GTSE1: variants seen among roughly 807,000 people sequenced by gnomAD.
GTSE1 encodes G2 and S-phase expressed 1.
In GTSE1, 52 loss-of-function variants were observed where a neutral mutation model predicts 60.5. The ratio of observed to expected loss-of-function variants is 0.86; its 90% CI spans 0.69 to 1.08. GTSE1 has a LOEUF of 1.08. Ranked by LOEUF, GTSE1 falls within the 50% of genes least tolerant of loss-of-function variation. The pLI is 0.00. For synonymous variants in GTSE1, 368 were observed against 386.5 expected, an observed-to-expected ratio of 0.95 and a Z score of 0.56; for missense variants, 937 against 961.8, an observed-to-expected ratio of 0.97 and a Z score of 0.34.
In GTSE1 at chr22:46,324,666, C is replaced by T. The variant is rs555546858; in HGVS notation, c.1505+1404C>T. On this transcript the variant is annotated intron_variant, in intron 8 of 11. Transcript: ENST00000454366. This position sits in a 1 kb window ranked among gnomAD's most constrained non-coding sequence, Gnocchi z 5.2. ...ACAGGTGTGAGCCACCGCGCCTGGC[C>T]GGAATTTTTATTTTCACTGGAATTT... Among the ~76,000 whole-genome samples, 21 of 152,188 alleles carry T rather than the reference C, an allele frequency of 1.4e-4. No individual in the cohort carries two copies. Among genetic ancestry groups the T allele is most frequent in the African/African-American group, 3.6e-4 (15 of 41,548 alleles).
rs923993894 is a variant in GTSE1 at position 46,304,573 on chromosome 22, A to T, written c.80-3577A>T. Among the ~76,000 whole-genome samples the T allele has an allele frequency of 2.0e-5, 3 of 152,206 alleles. No individual in the cohort carries two copies. Among genetic ancestry groups the T allele is most frequent in the Admixed American group, 6.5e-5 (1 of 15,282 alleles). On this transcript the variant is annotated intron_variant, in intron 2 of 11. Coordinates refer to ENST00000454366, the MANE Select transcript of GTSE1 (RefSeq NM_016426.7). This position sits in a 1 kb window ranked among gnomAD's most constrained non-coding sequence, Gnocchi z 4.4. ...AGTAATAAAATGATTATATGAGTAG[A>T]TTGTATGAAATGAAACCATCTCACA...
chr22:46,299,794 C>CT (rs925104961), intron 2 of GTSE1, among the ~76,000 whole-genome samples: 1 of 151,092 alleles, frequency 6.6e-6, no homozygotes, highest in African/African-American at 2.4e-5. Flanking sequence ...TTTCTTTTTT[C>CT]TTTTTCTTTT....
rs182299104 is a variant in GTSE1 at position 46,297,752 on chromosome 22, T to C, written c.79+273T>C. On this transcript the variant is annotated intron_variant, in intron 2 of 11. Transcript: ENST00000454366. The surrounding 1 kb of genome is among the most constrained non-coding windows in gnomAD (Gnocchi z 4.9). ...ACTTTGTGGGCTCTCAAATATTTAT[T>C]GTATTGAATTCGATGTTTTCTTTTT... Among the ~76,000 whole-genome samples, 1 of 152,324 alleles carries C rather than the reference T, an allele frequency of 6.6e-6. No individual in the cohort carries two copies. The highest frequency in any genetic ancestry group is 6.5e-5 in the Admixed American group (1 of 15,298).
At position 46,321,368 on chromosome 22, in the gene GTSE1, C is replaced by T. The variant is rs1389260593; in HGVS notation, c.1433-1822C>T. 6.6e-6 allele frequency among the ~76,000 whole-genome samples: 1 copy of T among 152,182 alleles called. No homozygotes were observed. Among genetic ancestry groups the T allele is most frequent in the Non-Finnish European group, 1.5e-5 (1 of 68,044 alleles). ...GCAGTGAGCAGTGATCAAGCCACTG[C>T]ACTCCAGCCTGGGTGACAGAGCAAG... is the stretch of plus-strand genomic sequence containing the variant. On this transcript the variant is annotated intron_variant, in intron 7 of 11. Transcript: ENST00000454366. This position sits in a 1 kb window ranked among gnomAD's most constrained non-coding sequence, Gnocchi z 4.0.
rs1352628168 is a variant in GTSE1 at position 46,310,758 on chromosome 22, G to A, written c.763-1383G>A. On this transcript the variant is annotated intron_variant, in intron 4 of 11. Coordinates refer to ENST00000454366, the MANE Select transcript of GTSE1 (RefSeq NM_016426.7). The surrounding 1 kb of genome is among the most constrained non-coding windows in gnomAD (Gnocchi z 4.4). ...AGCCCGGCCAACATGGTGAAACCCC[G>A]TCTCTACAAAAAAATACAAAAATTA... Among the ~76,000 whole-genome samples, 8 of 152,112 alleles carry A rather than the reference G, an allele frequency of 5.3e-5. No individual in the cohort carries two copies. Among genetic ancestry groups the A allele is most frequent in the South Asian group, 2.1e-4 (1 of 4,826 alleles).
rs1233604559 is a variant in GTSE1 at position 46,324,516 on chromosome 22, C to T, written c.1505+1254C>T. Among the ~76,000 whole-genome samples the T allele has an allele frequency of 4.6e-5, 7 of 152,016 alleles. No homozygotes were observed. The highest frequency in any genetic ancestry group is 2.1e-4 in the South Asian group (1 of 4,824). On this transcript the variant is annotated intron_variant, in intron 8 of 11. Transcript: ENST00000454366. The surrounding 1 kb of genome is among the most constrained non-coding windows in gnomAD (Gnocchi z 5.2). The stretch of plus-strand genomic sequence containing the variant: ...CCAAGTAGCTGGGACTACAGGCGCC[C>T]GCCACCACGCCCGGCTAAGTTTTTG...
rs145607625 is a variant in GTSE1 at position 46,313,098 on chromosome 22, G to A, written c.928-792G>A. On this transcript the variant is annotated intron_variant, in intron 5 of 11. Coordinates refer to ENST00000454366, the MANE Select transcript of GTSE1 (RefSeq NM_016426.7). The surrounding 1 kb of genome is among the most constrained non-coding windows in gnomAD (Gnocchi z 4.4). ...GGATTGCTTGAGCCCAGGAGGTCAA[G>A]GCTGCAGTGAGCTGTGATCATGCCA... is the stretch of plus-strand genomic sequence containing the variant. Among the ~76,000 whole-genome samples the A allele has an allele frequency of 1.0e-3, 152 of 151,208 alleles. 1 individual carries two copies. The highest frequency in any genetic ancestry group is 1.5e-3 in the Non-Finnish European group (100 of 67,864).
At position 46,313,999 on chromosome 22, in the gene GTSE1, C is replaced by T. The variant is rs771722534; in HGVS notation, c.1037C>T (p.Pro346Leu). Residue 346 changes from proline to leucine, a missense_variant, in exon 6 of 12, where the codon CCA becomes CTA. Coordinates refer to ENST00000454366, the MANE Select transcript of GTSE1 (RefSeq NM_016426.7). The surrounding 1 kb of genome is among the most constrained non-coding windows in gnomAD (Gnocchi z 4.4). Reference protein sequence around the residue: ...WSGASSACTSPAVGKAKSSEF... With the variant: ...WSGASSACTSLAVGKAKSSEF... ...GGGGCATCCAGTGCGTGCACATCCC[C>T]AGCAGTGGGCAAAGGTGAGGCAGCC... 1.2e-6 allele frequency: 2 copies of T among 1,614,132 alleles called. No individual in the cohort carries two copies. The highest frequency in any genetic ancestry group is 4.5e-5 in the East Asian group (2 of 44,888).
chr22:46,304,979 A>T lies in GTSE1; in HGVS notation c.80-3171A>T, dbSNP rs1389288285. Among the ~76,000 whole-genome samples the T allele has an allele frequency of 3.3e-5, 5 of 152,198 alleles. No individual in the cohort carries two copies. Among genetic ancestry groups the T allele is most frequent in the Non-Finnish European group, 7.3e-5 (5 of 68,036 alleles). ...GGGTGACAGAGCGAGACCCTGTCTC[A>T]AAAAAAGAAAAAGGATTATTATGCT... On this transcript the variant is annotated intron_variant, in intron 2 of 11. Coordinates refer to ENST00000454366, the MANE Select transcript of GTSE1 (RefSeq NM_016426.7). The surrounding 1 kb of genome is among the most constrained non-coding windows in gnomAD (Gnocchi z 4.4).
chr22:46,298,756 G>A (rs1000328704), intron 2 of GTSE1, among the ~76,000 whole-genome samples: 2 of 152,046 alleles, frequency 1.3e-5, no homozygotes, highest in African/African-American at 2.4e-5. Flanking sequence ...TCCTTTCCAC[G>A]TGCATACTGC....
intron 4 of GTSE1, 31 bp from the exon 5 acceptor site, chr22:46,312,110 C>T (rs1601907022): frequency 1.3e-6 from 2 of 1,579,282 alleles, no homozygotes; most frequent in Non-Finnish European, 1.7e-6. Flanking sequence ...AAGCACTAGA[C>T]AGTTCTCACA....
Position 46,321,603 on chromosome 22 carries a change from A to C in GTSE1, c.1433-1587A>C, listed in dbSNP as rs1261353805. 1.3e-5 allele frequency among the ~76,000 whole-genome samples: 2 copies of C among 152,170 alleles called. No individual in the cohort carries two copies. Among genetic ancestry groups the C allele is most frequent in the Non-Finnish European group, 2.9e-5 (2 of 68,018 alleles). ...CTTGTAACAAACGGAGTTTCTGAAG[A>C]ATGCGGAGGTAGCAATGTGGGTGCG... is the stretch of plus-strand genomic sequence containing the variant. On this transcript the variant is annotated intron_variant, in intron 7 of 11. Coordinates refer to ENST00000454366, the MANE Select transcript of GTSE1 (RefSeq NM_016426.7). This position sits in a 1 kb window ranked among gnomAD's most constrained non-coding sequence, Gnocchi z 4.0.
rs1277662168 is a variant in GTSE1, at chr22:46,297,926, A to G, written c.79+447A>G. 1.3e-5 allele frequency among the ~76,000 whole-genome samples: 2 copies of G among 152,108 alleles called. No individual in the cohort carries two copies. The highest frequency in any genetic ancestry group is 2.9e-5 in the Non-Finnish European group (2 of 68,012). ...GGTACAGCTTCACAGAATGAGTTAC[A>G]GGCCACACCCTCTTTTTCTCTCAAA... is the stretch of plus-strand genomic sequence containing the variant. On this transcript the variant is annotated intron_variant, in intron 2 of 11. Transcript: ENST00000454366. This position sits in a 1 kb window ranked among gnomAD's most constrained non-coding sequence, Gnocchi z 4.9.
chr22:46,326,874 A>G (rs1302229743), intron 9 of GTSE1: 1 of 462,446 alleles, frequency 2.2e-6, no homozygotes, highest in Non-Finnish European at 3.8e-6. Flanking sequence ...TAATTCTCTG[A>G]TAATCAATTT....
In GTSE1 at chr22:46,317,897, G is replaced by A. The variant is rs2077790347; in HGVS notation, c.1432+1485G>A. Among the ~76,000 whole-genome samples the A allele has an allele frequency of 6.6e-6, 1 of 152,344 alleles. No homozygotes were observed. The highest frequency in any genetic ancestry group is 1.9e-4 in the East Asian group (1 of 5,186). On this transcript the variant is annotated intron_variant, in intron 7 of 11. Transcript: ENST00000454366. This position sits in a 1 kb window ranked among gnomAD's most constrained non-coding sequence, Gnocchi z 5.6. ...GCGGTTTCTCGGCCCTGTGAGCTCC[G>A]CTCGTTGCTCCCTGGTAGTTGCTCT... is the stretch of plus-strand genomic sequence containing the variant.
Position 46,312,210 on chromosome 22 carries a change from G to A in GTSE1, c.832G>A (p.Val278Ile), listed in dbSNP as rs371380767. 102 of 1,614,002 alleles carry A rather than the reference G, an allele frequency of 6.3e-5. No homozygotes were observed. Among genetic ancestry groups the A allele is most frequent in the Middle Eastern group, 3.3e-4 (2 of 6,084 alleles). Reference protein sequence around the residue: ...IPAEKESHRDVLPDKPAPGAV... With the variant: ...IPAEKESHRDILPDKPAPGAV... ...AGCTGAGAAGGAATCCCACCGGGAT[G>A]TTCTCCCTGACAAACCTGCCCCGGG... The change falls in exon 5 of 12, where the codon GTT becomes ATT. Residue 278 changes from valine to isoleucine, a missense_variant. Val to Ile is a conservative substitution (Grantham distance 29). Coordinates refer to ENST00000454366, the MANE Select transcript of GTSE1 (RefSeq NM_016426.7).
rs187514328 is a variant in GTSE1 at position 46,309,808 on chromosome 22, A to G, written c.762+865A>G. Reference sequence around the variant, plus strand: ...CACCCCCAACAGCTGGGGCCTGCAAACTCCTTTATTTGGAGCCCGTTTGGG... The same window carrying G: ...CACCCCCAACAGCTGGGGCCTGCAAGCTCCTTTATTTGGAGCCCGTTTGGG... On this transcript the variant is annotated intron_variant, in intron 4 of 11. Coordinates refer to ENST00000454366, the MANE Select transcript of GTSE1 (RefSeq NM_016426.7). The surrounding 1 kb of genome is among the most constrained non-coding windows in gnomAD (Gnocchi z 6.2). Among the ~76,000 whole-genome samples, 23 of 151,814 alleles carry G rather than the reference A, an allele frequency of 1.5e-4. No homozygotes were observed. In the East Asian group the frequency reaches 3.7e-3, roughly 24 times the overall value.
Position 46,330,000 on chromosome 22 carries a change from G to A in GTSE1, c.2137-47G>A. On this transcript the variant is annotated intron_variant, in intron 11 of 11. Coordinates refer to ENST00000454366, the MANE Select transcript of GTSE1 (RefSeq NM_016426.7). The surrounding 1 kb of genome is among the most constrained non-coding windows in gnomAD (Gnocchi z 6.4). ...CCTCTGTGCAGGGAGGGGAAGGGAG[G>A]CCCTAGCCGGATCCACGCTCACCTC... 8.9e-7 allele frequency: 1 copy of A among 1,124,296 alleles called. No homozygotes were observed. 69.6% of individuals were successfully genotyped at this position (1,124,296 alleles called of 1,614,324 possible). A position where few individuals can be genotyped will look rare whatever the true frequency, so the allele number is the denominator to read the frequency against.
rs562558146 is a variant in GTSE1, at chr22:46,297,222, C to T, written c.-21-158C>T. 2.0e-5 allele frequency among the ~76,000 whole-genome samples: 3 copies of T among 152,148 alleles called. No homozygotes were observed. The highest frequency in any genetic ancestry group is 2.9e-5 in the Non-Finnish European group (2 of 68,008). On this transcript the variant is annotated intron_variant, in intron 1 of 11. Coordinates refer to ENST00000454366, the MANE Select transcript of GTSE1 (RefSeq NM_016426.7). This position sits in a 1 kb window ranked among gnomAD's most constrained non-coding sequence, Gnocchi z 4.9. ...CTGGCGGCACTCGGGCCCTGGGGTCCCCTGGGATGCGATCATTTCAGAGCG... is the reference window on the plus strand; with the variant it reads ...CTGGCGGCACTCGGGCCCTGGGGTCTCCTGGGATGCGATCATTTCAGAGCG...
Sources: gnomAD v4.1 joint callset for allele counts (sites outside exome capture counted in the v4.1 genomes callset) on GRCh38, gnomAD v4.1.1 for gene constraint, Gnocchi (gnomAD v3.1) non-coding constraint, MANE v1.5 for transcripts, NCBI Gene and HGNC (gene_info 2026-07-23, HGNC 2026-07-21) for gene names.